Variants in MRPL54 observed in about 807,000 individuals in gnomAD.
MRPL54 encodes the protein large ribosomal subunit protein mL54.
A neutral mutation model predicts 15.6 loss-of-function variants in MRPL54; 12 were observed. The observed-to-expected ratio is 0.77, with a 90% CI of 0.49 to 1.24. The LOEUF is 1.24. Among genes scored for constraint, MRPL54 ranks in the 50% most tolerant of loss-of-function variants. The pLI, the probability that MRPL54 is intolerant of heterozygous loss-of-function variation, is 0.00. For synonymous variants in MRPL54, 91 were observed against 75.7 expected, an observed-to-expected ratio of 1.20 and a Z score of -1.05; for missense variants, 178 against 186.8, an observed-to-expected ratio of 0.95 and a Z score of 0.28.
At chr19:3,765,021 C>G (rs11883326) in intron 1 of MRPL54, 145 bp from the exon 2 acceptor site, 4 of 818,138 alleles carry the variant, frequency 4.9e-6, no homozygotes, top group African/African-American at 1.8e-5. Context: ...AGCGAGACTC[C>G]GTCTCAAAAA....
At position 3,767,438 on chromosome 19, in the gene MRPL54, G is replaced by T. The variant is rs917804257; in HGVS notation, c.*45G>T. 5.6e-6 allele frequency: 9 copies of T among 1,593,078 alleles called. No individual in the cohort carries two copies. Among genetic ancestry groups the T allele is most frequent in the Non-Finnish European group, 5.1e-6 (6 of 1,173,892 alleles). On this transcript the variant is annotated 3_prime_UTR_variant, in exon 3 of 3. Transcript: ENST00000330133. ...CTGACCCCCACGCCGAGGGCTTGCC[G>T]TTTTCCCGGAGGACGTGGACTTTTG...
rs2037208560 is a variant in MRPL54 at position 3,767,469 on chromosome 19, CAA to C, written c.*77_*78del. 3.2e-6 allele frequency: 5 copies of C among 1,567,894 alleles called. No homozygotes were observed. Among genetic ancestry groups the C allele is most frequent in the African/African-American group, 2.8e-5 (2 of 72,444 alleles). On this transcript the variant is annotated 3_prime_UTR_variant, in exon 3 of 3. Transcript: ENST00000330133. ...CCGGAGGACGTGGACTTTTGTGAGACAAGAGGCGGCTCCCCAGCCTGGGTTTC... is the reference window on the plus strand; with the variant it reads ...CCGGAGGACGTGGACTTTTGTGAGACGAGGCGGCTCCCCAGCCTGGGTTTC...
In MRPL54 at chr19:3,762,729, C is replaced by T. The variant is rs2037161421; in HGVS notation, c.29C>T (p.Thr10Ile). The T allele has an allele frequency of 1.2e-6, 2 of 1,611,612 alleles. No homozygotes were observed. Among genetic ancestry groups the T allele is most frequent in the Non-Finnish European group, 1.7e-6 (2 of 1,179,144 alleles). Residue 10 changes from threonine to isoleucine, a missense_variant, in exon 1 of 3, where the codon ACC (threonine) becomes ATC (isoleucine). Thr to Ile is a moderately conservative substitution (Grantham distance 89, BLOSUM62 -1). Transcript: ENST00000330133. The part of the protein sequence containing the change: MATKRLFGA[T>I]RTWAGWGAWE... ...GCGACCAAACGCCTTTTCGGGGCTA[C>T]CCGGACGTGGGCCGGCTGGGGGGCC...
intron 2 of MRPL54, among the ~76,000 whole-genome samples, chr19:3,766,141 A>G: frequency 7.0e-6 from 1 of 143,786 alleles, no homozygotes; most frequent in Non-Finnish European, 1.5e-5. Context: ...CAGTGGTGTG[A>G]TCTTGGCTCA....
chr19:3,764,855 C>T lies in MRPL54; in HGVS notation c.119-311C>T, dbSNP rs543288648. The stretch of plus-strand genomic sequence containing the variant: ...CATCCTGGCTAACACGGTGAAACCC[C>T]GTCTCTACTAAAAATACAAAAAATT... On this transcript the variant is annotated intron_variant, in intron 1 of 2. Transcript: ENST00000330133. Among the ~76,000 whole-genome samples, 281 of 151,838 alleles carry T rather than the reference C, an allele frequency of 1.9e-3. 1 individual carries two copies. The highest frequency in any genetic ancestry group is 5.2e-3 in the African/African-American group (215 of 41,482).
chr19:3,763,257 A>G (rs2037167953), intron 1 of MRPL54, among the ~76,000 whole-genome samples: 2 of 152,230 alleles, frequency 1.3e-5, no homozygotes, highest in Admixed American at 1.3e-4. Context: ...TTAATTGGCC[A>G]CTTCAGCAAG....
At chr19:3,766,455 C>A (rs897368013) in intron 2 of MRPL54, among the ~76,000 whole-genome samples, 3 of 152,206 alleles carry the variant, frequency 2.0e-5, no homozygotes, top group African/African-American at 7.2e-5. Flanking sequence ...CTCAGGTGAT[C>A]CGCCCACCTC....
At chr19:3,763,844 G>A (rs531218348) in intron 1 of MRPL54, among the ~76,000 whole-genome samples, 10 of 151,466 alleles carry the variant, frequency 6.6e-5, no homozygotes, top group Admixed American at 1.3e-4. Context: ...CCCAGGAGGC[G>A]GAGGTTGCAG....
In MRPL54 at chr19:3,767,253, C is replaced by T. The variant is rs780812681; in HGVS notation, c.285-8C>T. The stretch of plus-strand genomic sequence containing the variant: ...TGTAGCTCTGATTCCTGCCCGCACC[C>T]CCGTCAGGCTGTTCGAGATGAACTT... On this transcript the variant is annotated splice_region_variant and splice_polypyrimidine_tract_variant and intron_variant, in intron 2 of 2. Transcript: ENST00000330133. 5 of 1,610,528 alleles carry T rather than the reference C, an allele frequency of 3.1e-6. No individual in the cohort carries two copies. The highest frequency in any genetic ancestry group is 1.7e-4 in the Middle Eastern group (1 of 5,780).
At chr19:3,765,893 G>A (rs1461419136) in intron 2 of MRPL54, among the ~76,000 whole-genome samples, 3 of 105,450 alleles carry the variant, frequency 2.8e-5, no homozygotes, top group Non-Finnish European at 5.5e-5. Flanking sequence ...GTGAGACTTG[G>A]TCTCAAAAAA....
chr19:3,764,394 A>G (rs1460253475), intron 1 of MRPL54, among the ~76,000 whole-genome samples: 1 of 144,742 alleles, frequency 6.9e-6, no homozygotes, highest in Non-Finnish European at 1.5e-5. Flanking sequence ...GGCTGTCTTT[A>G]TTTTTTAATT....
chr19:3,767,286 C>T lies in MRPL54; in HGVS notation c.310C>T (p.Pro104Ser). 1 of 1,612,840 alleles carries T rather than the reference C, an allele frequency of 6.2e-7. No homozygotes were observed. The highest frequency in any genetic ancestry group is 8.5e-7 in the Non-Finnish European group (1 of 1,179,522). The change falls in exon 3 of 3, where the codon CCA becomes TCA. Residue 104 changes from proline (P) to serine (S), a missense_variant. Pro to Ser is a moderately conservative substitution (Grantham distance 74). Transcript: ENST00000330133. ...EWLFEMNLGP[P>S]KTLEELDPES... ...GCTGTTCGAGATGAACTTGGGTCCC[C>T]CAAAGACCCTGGAGGAGCTGGACCC...
chr19:3,767,320 G>C lies in MRPL54; in HGVS notation c.344G>C (p.Arg115Pro), dbSNP rs148002088. 21 of 1,611,668 alleles carry C rather than the reference G, an allele frequency of 1.3e-5. No individual in the cohort carries two copies. In the African/African-American group the frequency reaches 2.8e-4, roughly 22 times the overall value. ...KTLEELDPES[R>P]EYWRRLRKQN... is the part of the protein sequence containing the mutation. ...CTGGAGGAGCTGGACCCCGAGAGCC[G>C]GGAGTACTGGCGGCGGCTGCGGAAA... Residue 115 changes from arginine (R) to proline (P), a missense_variant, in exon 3 of 3, where the codon CGG becomes CCG. Coordinates refer to ENST00000330133, the MANE Select transcript of MRPL54 (RefSeq NM_172251.3).
chr19:3,765,028 A>G, intron 1 of MRPL54, 138 bp from the exon 2 acceptor site: 1 of 533,640 alleles, frequency 1.9e-6, no homozygotes, highest in East Asian at 5.3e-5. Flanking sequence ...CTCCGTCTCA[A>G]AAAAAAAAAA....
chr19:3,765,772 C>G (rs1050424387), intron 2 of MRPL54, among the ~76,000 whole-genome samples: 3 of 151,668 alleles, frequency 2.0e-5, no homozygotes, highest in Non-Finnish European at 2.9e-5. Flanking sequence ...GTGGCACATT[C>G]CTGTAGTCCC....
At chr19:3,764,385 G>C (rs2145731021) in intron 1 of MRPL54, among the ~76,000 whole-genome samples, 1 of 151,664 alleles carries the variant, frequency 6.6e-6, no homozygotes, top group East Asian at 2.0e-4. Flanking sequence ...GCCCGGCCGG[G>C]CTGTCTTTAT....
At chr19:3,764,240 G>T (rs1326644994) in intron 1 of MRPL54, among the ~76,000 whole-genome samples, 1 of 151,272 alleles carries the variant, frequency 6.6e-6, no homozygotes, top group African/African-American at 2.4e-5. Flanking sequence ...CCACCACCAT[G>T]CCCGGCTAAT....
At chr19:3,764,207 C>T (rs1344374564) in intron 1 of MRPL54, among the ~76,000 whole-genome samples, 1 of 151,808 alleles carries the variant, frequency 6.6e-6, no homozygotes, top group African/African-American at 2.4e-5. Flanking sequence ...CTCAGCCTCC[C>T]AAGTAGCTGG....
At chr19:3,766,809 C>A (rs55927187) in intron 2 of MRPL54, among the ~76,000 whole-genome samples, 1 of 152,064 alleles carries the variant, frequency 6.6e-6, no homozygotes, top group Admixed American at 6.5e-5. Context: ...GCAAAGGCCC[C>A]GGGGCAGGAC....
Sources: gnomAD v4.1 joint callset for allele counts (sites outside exome capture counted in the v4.1 genomes callset) on GRCh38, gnomAD v4.1.1 for gene constraint, MANE v1.5 for transcripts, NCBI Gene and HGNC (gene_info 2026-07-23, HGNC 2026-07-21) for gene names.